EMC2: variants seen among roughly 807,000 people sequenced by gnomAD.
EMC2 encodes the protein TPR repeat protein 35.
In EMC2, 37 loss-of-function variants were observed where a neutral mutation model predicts 51.6. The ratio of observed to expected loss-of-function variants is 0.72; its 90% CI spans 0.55 to 0.94. The LOEUF is 0.94. Among genes scored for constraint, EMC2 ranks in the 40% least tolerant of loss-of-function variants. The probability of loss-of-function intolerance (pLI) is 0.00; values close to 1 mark genes in which losing one functional copy is unlikely to be tolerated. For synonymous variants in EMC2, 131 were observed against 112.4 expected (o/e 1.17, Z -1.04); for missense variants, 359 against 350.9 (o/e 1.02, Z -0.18).
chr8:108,466,749 T>C (rs1409217578), intron 5 of EMC2, among the ~76,000 whole-genome samples: 1 of 152,100 alleles, frequency 6.6e-6, no homozygotes, highest in Non-Finnish European at 1.5e-5. Flanking sequence ...CCACTGCACC[T>C]GGCCAAAATT....
chr8:108,461,580 G>A (rs1819319425), intron 5 of EMC2, among the ~76,000 whole-genome samples: 1 of 152,140 alleles, frequency 6.6e-6, no homozygotes, highest in Non-Finnish European at 1.5e-5. Flanking sequence ...TAAAGTACAA[G>A]CATTATTAAA....
intron 5 of EMC2, among the ~76,000 whole-genome samples, chr8:108,462,221 G>A (rs1035060090): frequency 2.0e-5 from 2 of 102,200 alleles, no homozygotes; most frequent in East Asian, 3.9e-4. Flanking sequence ...TTTTGTGTGC[G>A]TGTGTGTGTA....
At chr8:108,483,817 G>A (rs987258474) in intron 10 of EMC2, among the ~76,000 whole-genome samples, 6 of 152,106 alleles carry the variant, frequency 3.9e-5, no homozygotes, top group African/African-American at 1.4e-4. Flanking sequence ...TGTGAATAAT[G>A]TAAAAGAGTA....
At chr8:108,486,401 C>T (rs1811138166) in intron 10 of EMC2, 111 bp from the exon 11 acceptor site, 8 of 1,326,428 alleles carry the variant, frequency 6.0e-6, no homozygotes, top group Non-Finnish European at 7.9e-6. Context: ...TGATTTCCTA[C>T]TAGTGATAAA....
rs1818976223 is a variant in EMC2 at position 108,449,930 on chromosome 8, G to A, written c.148G>A (p.Asp50Asn). The change falls in exon 2 of 11, where the codon GAT (aspartate) becomes AAT (asparagine). Residue 50 changes from aspartate to asparagine, a missense_variant. Physicochemically the swap from Asp to Asn is conservative, Grantham distance 23. Coordinates refer to ENST00000220853, the MANE Select transcript of EMC2 (RefSeq NM_014673.5). ...LINEYASKLGDDIWIIYEQVM... is the reference protein window; with the variant it reads ...LINEYASKLGNDIWIIYEQVM... ...TAATGAATATGCTTCTAAGCTGGGA[G>A]ATGATAGTAAGTTCTTTTATTACAT... The A allele has an allele frequency of 6.7e-7, 1 of 1,485,296 alleles. No homozygotes were observed. 92.0% of individuals were successfully genotyped at this position (1,485,296 alleles called of 1,614,324 possible).
chr8:108,452,341 C>T (rs552112210), intron 3 of EMC2, among the ~76,000 whole-genome samples: 1 of 152,180 alleles, frequency 6.6e-6, no homozygotes, highest in African/African-American at 2.4e-5. Context: ...CCAAGGCAGG[C>T]GGATCACCTG....
chr8:108,446,203 A>G, intron 1 of EMC2: 3 of 349,534 alleles, frequency 8.6e-6, no homozygotes, highest in Middle Eastern at 4.0e-4. Context: ...AGGAAATATT[A>G]GTTGAGTGAT....
rs1463811133 is a variant in EMC2, at chr8:108,487,696, A to G, written c.*1098A>G. ...TACAGACTTGTCATTGCTGCTTTGG[A>G]CAAGTGGGGATTGTGGAGGAATTGA... On this transcript the variant is annotated 3_prime_UTR_variant, in exon 11 of 11. Transcript: ENST00000220853. Among the ~76,000 whole-genome samples the G allele has an allele frequency of 2.6e-5, 4 of 152,118 alleles. No individual in the cohort carries two copies. The highest frequency in any genetic ancestry group is 9.7e-5 in the African/African-American group (4 of 41,438).
chr8:108,470,012 C>T (rs758918584), intron 6 of EMC2, 50 bp from the exon 7 acceptor site: 55 of 1,554,264 alleles, frequency 3.5e-5, no homozygotes, highest in Non-Finnish European at 4.5e-5. Flanking sequence ...TCATGCTGTT[C>T]ATTTACAGAA....
In EMC2 at chr8:108,469,871, A is replaced by C; in HGVS notation, c.409A>C (p.Asn137His). ...TGCCATTCGAAAAGCCCAGGGGAAA[A>C]ATGTGGAGGCCATTCGGGAGCTGAA... ...KIAIRKAQGK[N>H]VEAIRELNEY... Residue 137 changes from asparagine to histidine, a missense_variant, in exon 6 of 11, where the codon AAT becomes CAT. Physicochemically the swap from Asn to His is moderately conservative, Grantham distance 68. Coordinates refer to ENST00000220853, the MANE Select transcript of EMC2 (RefSeq NM_014673.5). 1 of 1,613,572 alleles carries C rather than the reference A, an allele frequency of 6.2e-7. No homozygotes were observed. The highest frequency in any genetic ancestry group is 8.5e-7 in the Non-Finnish European group (1 of 1,179,562).
chr8:108,462,213 T>G (rs112300521), intron 5 of EMC2, among the ~76,000 whole-genome samples: 2 of 122,494 alleles, frequency 1.6e-5, no homozygotes, highest in Non-Finnish European at 2.0e-5. Context: ...TGTGTGTGTT[T>G]TGTGTGCGTG....
At chr8:108,464,785 C>G (rs1819427853) in intron 5 of EMC2, among the ~76,000 whole-genome samples, 1 of 152,164 alleles carries the variant, frequency 6.6e-6, no homozygotes, top group South Asian at 2.1e-4. Flanking sequence ...CTGAATACAC[C>G]CGAGTGCACA....
chr8:108,482,675 C>T (rs1006333182), intron 10 of EMC2, among the ~76,000 whole-genome samples: 1 of 152,028 alleles, frequency 6.6e-6, no homozygotes, highest in Non-Finnish European at 1.5e-5. Flanking sequence ...CCCTCAACCA[C>T]CCAGGTTGAG....
intron 7 of EMC2, chr8:108,475,361 T>G (rs2130399977): frequency 6.6e-6 from 1 of 152,260 alleles, no homozygotes; most frequent in Admixed American, 6.6e-5. Context: ...TATAACTTCA[T>G]TATAATTTGG....
chr8:108,484,233 A>G (rs909947581), intron 10 of EMC2, among the ~76,000 whole-genome samples: 13 of 152,102 alleles, frequency 8.5e-5, no homozygotes, highest in African/African-American at 2.9e-4. Flanking sequence ...TTCTGTTACT[A>G]TCCTTTTGGG....
intron 5 of EMC2, among the ~76,000 whole-genome samples, chr8:108,469,343 A>G (rs1002317379): frequency 3.3e-5 from 5 of 152,148 alleles, no homozygotes; most frequent in African/African-American, 9.7e-5. Context: ...GGACTGTATT[A>G]TTCTTGTGAA....
chr8:108,476,789 A>G lies in EMC2; in HGVS notation c.599A>G (p.Tyr200Cys), dbSNP rs774706583. Residue 200 changes from tyrosine to cysteine, a missense_variant, in exon 9 of 11, where the codon TAT (tyrosine) becomes TGT (cysteine). Tyr to Cys is a radical substitution (Grantham distance 194, BLOSUM62 -2). Coordinates refer to ENST00000220853, the MANE Select transcript of EMC2 (RefSeq NM_014673.5). The part of the protein sequence containing the change: ...LYCQQYAEVK[Y>C]TQGGLENLEL... Reference sequence around the variant, plus strand: ...CTTTGCAATTTTTAACAGGTTAAGTATACCCAAGGTGGACTTGAAAACCTC... The same window carrying G: ...CTTTGCAATTTTTAACAGGTTAAGTGTACCCAAGGTGGACTTGAAAACCTC... 3 of 1,539,146 alleles carry G rather than the reference A, an allele frequency of 1.9e-6. No individual in the cohort carries two copies. Among genetic ancestry groups the G allele is most frequent in the East Asian group, 4.5e-5 (2 of 44,370 alleles).
intron 10 of EMC2, among the ~76,000 whole-genome samples, chr8:108,479,872 C>G (rs1811016128): frequency 6.6e-6 from 1 of 152,126 alleles, no homozygotes; most frequent in Admixed American, 6.6e-5. Flanking sequence ...GCTGGGACTT[C>G]AGGTGCAGGC....
At chr8:108,450,762 G>A (rs13274158) in intron 3 of EMC2, among the ~76,000 whole-genome samples, 124 of 152,224 alleles carry the variant, frequency 8.1e-4, no homozygotes, top group Non-Finnish European at 1.3e-3. Context: ...CTATTTTATA[G>A]AGTTTAAAAT....
Sources: allele counts gnomAD v4.1 joint callset (sites outside exome capture counted in the v4.1 genomes callset), GRCh38; gene constraint gnomAD v4.1.1; transcripts MANE v1.5; gene names NCBI Gene and HGNC (gene_info 2026-07-23, HGNC 2026-07-21).